CCNC: variants seen among roughly 807,000 people sequenced by gnomAD.
CCNC encodes cyclin-C.
A neutral mutation model predicts 50.0 loss-of-function variants in CCNC; 19 were observed. That is an observed-to-expected ratio of 0.38 (90% CI 0.27 to 0.56). The LOEUF (loss-of-function observed/expected upper bound fraction) is 0.56. Ranked by LOEUF, CCNC falls within the 20% of genes least tolerant of loss-of-function variation. The pLI, the probability that CCNC is intolerant of heterozygous loss-of-function variation, is 0.72. For missense variants in CCNC, 200 were observed against 327.1 expected (o/e 0.61, Z 3.00); for synonymous variants, 93 against 103.7 (o/e 0.90, Z 0.63).
intron 4 of CCNC, 22 bp from the exon 5 acceptor site, chr6:99,558,570 C>T: frequency 6.3e-7 from 1 of 1,585,810 alleles, no homozygotes; most frequent in Non-Finnish European, 8.5e-7. Context: ...AAAGCAGGTA[C>T]ATGTTAACCC....
intron 1 of CCNC, among the ~76,000 whole-genome samples, chr6:99,567,747 C>T (rs1279592104): frequency 6.6e-6 from 1 of 152,160 alleles, no homozygotes; most frequent in Non-Finnish European, 1.5e-5. Flanking sequence ...ACCTTCCTGC[C>T]TGCTTAAACA....
Position 99,551,031 on chromosome 6 carries a change from G to A in CCNC, c.403-3C>T, listed in dbSNP as rs1237241272. The A allele has an allele frequency of 2.7e-6, 3 of 1,099,956 alleles. No homozygotes were observed. The highest frequency in any genetic ancestry group is 1.6e-5 in the African/African-American group (1 of 63,440). 68.1% of individuals were successfully genotyped at this position (1,099,956 alleles called of 1,614,324 possible). A position where few individuals can be genotyped will look rare whatever the true frequency, so the allele number is the denominator to read the frequency against. On this transcript the variant is annotated splice_polypyrimidine_tract_variant and splice_region_variant and intron_variant, in intron 6 of 11. Coordinates refer to ENST00000520429, the MANE Select transcript of CCNC (RefSeq NM_005190.4). ...AGATAGAATTCACATTCTAATATCT[G>A]TTTAAAACAAAGATTATCAATGAAA... is the stretch of plus-strand genomic sequence containing the variant.
chr6:99,544,018 A>G, intron 11 of CCNC: 3 of 828,218 alleles, frequency 3.6e-6, no homozygotes, highest in Non-Finnish European at 4.2e-6. Context: ...GTTCTTCAAA[A>G]AAAAAAAAAA....
chr6:99,549,638 C>T, intron 8 of CCNC, 63 bp from the exon 9 acceptor site: 1 of 1,054,584 alleles, frequency 9.5e-7, no homozygotes, highest in Non-Finnish European at 1.5e-6. Flanking sequence ...TGTATATTTC[C>T]TCCAGAGAGG....
upstream of CCNC, chr6:99,568,708 A>C: frequency 1.4e-6 from 2 of 1,453,608 alleles, no homozygotes; most frequent in Non-Finnish European, 1.8e-6. Context: ...GCCGGCCGAC[A>C]ACACTCAACT....
chr6:99,558,729 C>A (rs529856509), intron 4 of CCNC, among the ~76,000 whole-genome samples, 181 bp from the exon 5 acceptor site: 20 of 152,104 alleles, frequency 1.3e-4, no homozygotes, highest in Non-Finnish European at 1.2e-4. Context: ...TGCTTAGGAT[C>A]AGAGATTTTT....
chr6:99,568,644 C>T lies in CCNC; in HGVS notation c.-117G>A, dbSNP rs1769267066. On this transcript the variant is annotated 5_prime_UTR_variant, in exon 1 of 12. Coordinates refer to ENST00000520429, the MANE Select transcript of CCNC (RefSeq NM_005190.4). ...CGATCAAATCAGCTCGGCTCGACTC[C>T]GCTCCGCGGCGGCGACGGCGAAAGG... 6.5e-7 allele frequency: 1 copy of T among 1,534,650 alleles called. No individual in the cohort carries two copies. Among genetic ancestry groups the T allele is most frequent in the Non-Finnish European group, 8.8e-7 (1 of 1,142,072 alleles).
At chr6:99,556,053 C>A (rs1357247790) in intron 5 of CCNC, among the ~76,000 whole-genome samples, 1 of 152,156 alleles carries the variant, frequency 6.6e-6, no homozygotes, top group African/African-American at 2.4e-5. Flanking sequence ...TTAGTGTTCA[C>A]TGGGATGACT....
chr6:99,558,397 C>A, intron 5 of CCNC, 100 bp downstream of exon 5: 1 of 1,507,476 alleles, frequency 6.6e-7, no homozygotes, highest in Non-Finnish European at 8.8e-7. Context: ...TAAAGCCAAC[C>A]AATCTCATAT....
Position 99,568,623 on chromosome 6 carries a change from C to A in CCNC, c.-96G>T. ...CCGTCCGGTAACCGCGCTCCTCGATCAAATCAGCTCGGCTCGACTCCGCTC... is the reference window on the plus strand; with the variant it reads ...CCGTCCGGTAACCGCGCTCCTCGATAAAATCAGCTCGGCTCGACTCCGCTC... On this transcript the variant is annotated 5_prime_UTR_variant, in exon 1 of 12. Transcript: ENST00000520429. 3 of 1,558,658 alleles carry A rather than the reference C, an allele frequency of 1.9e-6. No individual in the cohort carries two copies. Among genetic ancestry groups the A allele is most frequent in the South Asian group, 2.4e-5 (2 of 84,806 alleles).
At chr6:99,567,852 C>G (rs1245506317) in intron 1 of CCNC, among the ~76,000 whole-genome samples, 1 of 152,146 alleles carries the variant, frequency 6.6e-6, no homozygotes, top group Non-Finnish European at 1.5e-5. Flanking sequence ...GTTAAAGAAA[C>G]AGGTAAACAA....
chr6:99,547,780 TAGAC>T (rs1375391274), intron 9 of CCNC, among the ~76,000 whole-genome samples: 14 of 152,282 alleles, frequency 9.2e-5, no homozygotes, highest in East Asian at 3.9e-4. Context: ...GTTTGGAAGA[TAGAC>T]AGGCTCTCTG....
At chr6:99,553,564 G>A (rs903429097) in intron 5 of CCNC, among the ~76,000 whole-genome samples, 9 of 151,844 alleles carry the variant, frequency 5.9e-5, no homozygotes, top group African/African-American at 2.2e-4. Flanking sequence ...CTATTCAATT[G>A]ATAACTCCTG....
chr6:99,560,127 G>C (rs1802716019), intron 4 of CCNC, among the ~76,000 whole-genome samples: 1 of 152,102 alleles, frequency 6.6e-6, no homozygotes, highest in African/African-American at 2.4e-5. Context: ...AAGTAAGATA[G>C]ATTAAAATCC....
Position 99,549,534 on chromosome 6 carries a change from A to G in CCNC, c.572T>C (p.Leu191Pro). Residue 191 changes from leucine to proline, a missense_variant, in exon 9 of 12, where the codon CTG (leucine) becomes CCG (proline). Coordinates refer to ENST00000520429, the MANE Select transcript of CCNC (RefSeq NM_005190.4). ...TAAAGCTATCATGAAAGGAGGATAC[A>G]GTAGGCAAAGATCCGTTCTGTAGGT... ...NDTYRTDLCL[L>P]YPPFMIALAC... 5.6e-6 allele frequency: 9 copies of G among 1,607,386 alleles called. No individual in the cohort carries two copies. Among genetic ancestry groups the G allele is most frequent in the Non-Finnish European group, 7.7e-6 (9 of 1,174,232 alleles).
chr6:99,557,762 C>T, intron 5 of CCNC: 1 of 132,530 alleles, frequency 7.5e-6, no homozygotes, highest in African/African-American at 2.9e-5. Flanking sequence ...GCACTCCAGC[C>T]TGGGCGACAG....
At chr6:99,568,375 CT>C (rs1769246455) in intron 1 of CCNC, 120 bp downstream of exon 1, 2 of 942,978 alleles carry the variant, frequency 2.1e-6, no homozygotes, top group Non-Finnish European at 3.3e-6. Context: ...CCGCTGCGGT[CT>C]CCCGTGAGGA....
chr6:99,554,542 T>C (rs748070091), intron 5 of CCNC, among the ~76,000 whole-genome samples: 2 of 152,220 alleles, frequency 1.3e-5, no homozygotes, highest in Non-Finnish European at 2.9e-5. Flanking sequence ...GTTTATACTT[T>C]GAGTTATTAT....
chr6:99,544,980 AAAT>A, intron 11 of CCNC, 129 bp downstream of exon 11: 1 of 580,310 alleles, frequency 1.7e-6, no homozygotes, highest in South Asian at 2.5e-5. Flanking sequence ...CAAATTTAAA[AAAT>A]AAAATTAACA....
Sources: gnomAD v4.1 joint callset for allele counts (sites outside exome capture counted in the v4.1 genomes callset) on GRCh38, gnomAD v4.1.1 for gene constraint, MANE v1.5 for transcripts, NCBI Gene and HGNC (gene_info 2026-07-23, HGNC 2026-07-21) for gene names.